Variants in PDK1 observed in about 807,000 individuals in gnomAD.
The protein encoded by PDK1 is pyruvate dehydrogenase kinase 1.
In PDK1, 39 loss-of-function variants were observed where a neutral mutation model predicts 54.2. The observed-to-expected ratio is 0.72, with a 90% CI of 0.56 to 0.94. The LOEUF is 0.94. Among genes scored for constraint, PDK1 ranks in the 40% least tolerant of loss-of-function variants. The probability of loss-of-function intolerance (pLI) is 0.00; values close to 1 mark genes in which losing one functional copy is unlikely to be tolerated. For missense variants in PDK1, 552 were observed against 566.0 expected (o/e 0.98, Z 0.25); for synonymous variants, 221 against 207.1 (o/e 1.07, Z -0.58).
the PDK1 span, chr2:172,677,203 G>A: frequency 6.6e-6 from 1 of 152,202 alleles, no homozygotes. Context: ...CCCAAGGCAT[G>A]CCTATACATT....
At chr2:172,618,177 T>G in the PDK1 span, among the ~76,000 whole-genome samples, 1 of 152,190 alleles carries the variant, frequency 6.6e-6, no homozygotes, top group East Asian at 1.9e-4. Context: ...AGTGAGATGG[T>G]AGACTATGTA....
chr2:172,712,484 G>A, the PDK1 span, among the ~76,000 whole-genome samples: 3 of 152,190 alleles, frequency 2.0e-5, no homozygotes, highest in Admixed American at 6.5e-5. Context: ...GTGTGTGAGC[G>A]AGCACGGGGT....
At chr2:172,572,121 C>T (rs911115069) in intron 8 of PDK1, among the ~76,000 whole-genome samples, 19 of 152,172 alleles carry the variant, frequency 1.2e-4, no homozygotes, top group African/African-American at 3.4e-4. Context: ...TGAGCTACTG[C>T]ACCTGGCCTA....
Position 172,596,419 on chromosome 2 carries a change from TC to T in PDK1, c.*451del. The T allele has an allele frequency of 6.5e-6, 1 of 154,034 alleles. No individual in the cohort carries two copies. Among genetic ancestry groups the T allele is most frequent in the East Asian group, 1.9e-4 (1 of 5,272 alleles). 9.5% of individuals were successfully genotyped at this position (154,034 alleles called of 1,614,324 possible). On this transcript the variant is annotated 3_prime_UTR_variant, in exon 11 of 11. Transcript: ENST00000282077. ...GGTAGTGACAGCTGTAATATGGTCT[TC>T]ATGTTTATCAGTGACTTGACTACAA...
At chr2:172,718,218 A>G in the PDK1 span, among the ~76,000 whole-genome samples, 1 of 152,212 alleles carries the variant, frequency 6.6e-6, no homozygotes, top group African/African-American at 2.4e-5. Context: ...GTTTTAGGTA[A>G]CAGGTTAGTT....
At chr2:172,556,524 G>A in intron 1 of PDK1, 178 bp downstream of exon 1, 1 of 458,630 alleles carries the variant, frequency 2.2e-6, no homozygotes, top group Non-Finnish European at 3.7e-6. Context: ...GCCGGCGCTG[G>A]CTGGCGGCGT....
the PDK1 span, among the ~76,000 whole-genome samples, chr2:172,696,426 AT>A: frequency 6.6e-6 from 1 of 152,168 alleles, no homozygotes; most frequent in East Asian, 1.9e-4. Context: ...ACATCTCCTA[AT>A]TTTAATTTTT....
rs1691065979 is a variant in PDK1 at position 172,600,206 on chromosome 2, AT to A, written c.*4239del. 1 of 152,188 alleles carries A rather than the reference AT, an allele frequency of 6.6e-6. No homozygotes were observed. The highest frequency in any genetic ancestry group is 1.5e-5 in the Non-Finnish European group (1 of 68,038). The allele number at this position is 152,188 out of a possible 1,614,324, so 9.4% of individuals were successfully genotyped here. ...ATGGTTTTGTACTTAGATGTCTCTC[AT>A]TATGGAATTCAGAATGTGACAGTTA... On this transcript the variant is annotated 3_prime_UTR_variant, in exon 11 of 11. Coordinates refer to ENST00000282077, the MANE Select transcript of PDK1 (RefSeq NM_002610.5).
rs183802990 is a variant in PDK1 at position 172,604,505 on chromosome 2, C to A, written c.*8536C>A. 1 of 151,894 alleles carries A rather than the reference C, an allele frequency of 6.6e-6. No homozygotes were observed. Among genetic ancestry groups the A allele is most frequent in the Non-Finnish European group, 1.5e-5 (1 of 67,964 alleles). The allele number at this position is 151,894 out of a possible 1,614,324, so 9.4% of individuals were successfully genotyped here. A position where few individuals can be genotyped will look rare whatever the true frequency, so the allele number is the denominator to read the frequency against. ...TAACTTACAAATTTTTTTAAAAAAACGTTTTTCCTCTCCAATGTTCATTGC... is the reference window on the plus strand; with the variant it reads ...TAACTTACAAATTTTTTTAAAAAAAAGTTTTTCCTCTCCAATGTTCATTGC... On this transcript the variant is annotated 3_prime_UTR_variant, in exon 11 of 11. Transcript: ENST00000282077.
the PDK1 span, among the ~76,000 whole-genome samples, chr2:172,718,314 A>C: frequency 6.6e-6 from 1 of 152,226 alleles, no homozygotes; most frequent in African/African-American, 2.4e-5. Flanking sequence ...TTAGCATCCT[A>C]AACTGGGGAA....
the PDK1 span, among the ~76,000 whole-genome samples, chr2:172,688,320 G>A: frequency 6.6e-6 from 1 of 152,182 alleles, no homozygotes; most frequent in African/African-American, 2.4e-5. Flanking sequence ...CCTGCACTGT[G>A]TAGTAAGAGC....
At chr2:172,711,910 A>C in the PDK1 span, among the ~76,000 whole-genome samples, 1 of 149,798 alleles carries the variant, frequency 6.7e-6, no homozygotes, top group Non-Finnish European at 1.5e-5. Context: ...CCTTTGCTCA[A>C]AAGGAGAGGA....
the PDK1 span, among the ~76,000 whole-genome samples, chr2:172,695,706 G>A: frequency 6.6e-6 from 1 of 152,132 alleles, no homozygotes; most frequent in Non-Finnish European, 1.5e-5. Flanking sequence ...TTGATGAATT[G>A]CTTATGTTGG....
At chr2:172,581,908 T>G (rs895618055) in intron 8 of PDK1, among the ~76,000 whole-genome samples, 10 of 152,150 alleles carry the variant, frequency 6.6e-5, no homozygotes, top group African/African-American at 9.7e-5. Context: ...CATGTCTTTT[T>G]TTTGTGTGTG....
the PDK1 span, among the ~76,000 whole-genome samples, chr2:172,687,319 T>C: frequency 9.5e-4 from 145 of 151,984 alleles, no homozygotes; most frequent in Middle Eastern, 3.4e-3. Context: ...GAAATTATCA[T>C]TTATTTATTT....
chr2:172,680,539 A>T, the PDK1 span, among the ~76,000 whole-genome samples: 9 of 151,924 alleles, frequency 5.9e-5, no homozygotes, highest in East Asian at 7.7e-4. Context: ...TTATTTATTT[A>T]TTTTTTGTGG....
chr2:172,687,015 A>C, the PDK1 span, among the ~76,000 whole-genome samples: 2 of 152,232 alleles, frequency 1.3e-5, no homozygotes, highest in Non-Finnish European at 2.9e-5. Flanking sequence ...ATTTTTAGGA[A>C]TATAAGCACT....
At chr2:172,587,316 G>A (rs1044005097) in intron 9 of PDK1, among the ~76,000 whole-genome samples, 3 of 152,134 alleles carry the variant, frequency 2.0e-5, no homozygotes, top group Non-Finnish European at 4.4e-5. Context: ...GAGTGAAGCT[G>A]CAGACCTTCA....
At chr2:172,625,616 A>G in the PDK1 span, among the ~76,000 whole-genome samples, 1 of 152,118 alleles carries the variant, frequency 6.6e-6, no homozygotes, top group Non-Finnish European at 1.5e-5. Context: ...TTATCCAGTA[A>G]GCCTGCCTTG....
Sources: gnomAD v4.1 joint callset for allele counts (sites outside exome capture counted in the v4.1 genomes callset) on GRCh38, gnomAD v4.1.1 for gene constraint, MANE v1.5 for transcripts, NCBI Gene and HGNC (gene_info 2026-07-23, HGNC 2026-07-21) for gene names.